WDPCP: variants seen among roughly 807,000 people sequenced by gnomAD.
WDPCP encodes WD repeat containing planar cell polarity effector.
In WDPCP, 71 loss-of-function variants were observed where a neutral mutation model predicts 93.1. That is an observed-to-expected ratio of 0.76 (90% CI 0.63 to 0.93). The LOEUF (loss-of-function observed/expected upper bound fraction) is 0.93, where lower values mean the gene tolerates loss of function less well. Ranked by LOEUF, WDPCP falls within the 40% of genes least tolerant of loss-of-function variation. The probability of loss-of-function intolerance (pLI) is 0.00; values close to 1 mark genes in which losing one functional copy is unlikely to be tolerated. For missense variants in WDPCP, 844 were observed against 887.4 expected (o/e 0.95, Z 0.62); for synonymous variants, 315 against 315.0 (o/e 1.00, Z 0.00).
At chr2:63,239,142 T>A (rs1481533865) in intron 14 of WDPCP, among the ~76,000 whole-genome samples, 1 of 152,186 alleles carries the variant, frequency 6.6e-6, no homozygotes, top group African/African-American at 2.4e-5. Context: ...CTGAAATAGA[T>A]CAGCTTTAAA....
chr2:63,282,945 A>C (rs1189301694), intron 13 of WDPCP, among the ~76,000 whole-genome samples: 1 of 152,144 alleles, frequency 6.6e-6, no homozygotes, highest in Non-Finnish European at 1.5e-5. Flanking sequence ...CCTACACATT[A>C]TTTCTTTAAT....
chr2:63,221,576 C>T (rs1677835505), intron 14 of WDPCP, among the ~76,000 whole-genome samples: 1 of 152,182 alleles, frequency 6.6e-6, no homozygotes. Context: ...GATGTAGCAA[C>T]TTCTTGGACG....
upstream of WDPCP, among the ~76,000 whole-genome samples, chr2:63,831,959 G>A (rs186153531): frequency 3.3e-5 from 5 of 152,154 alleles, no homozygotes; most frequent in Non-Finnish European, 7.4e-5. Flanking sequence ...AGCAGTTCTG[G>A]GACTAAGCAA....
At chr2:63,610,788 T>G (rs1426384741) in intron 3 of WDPCP, among the ~76,000 whole-genome samples, 1 of 152,164 alleles carries the variant, frequency 6.6e-6, no homozygotes, top group African/African-American at 2.4e-5. Context: ...TAGTAATACA[T>G]CTTAAAGCTA....
At chr2:63,310,596 C>A (rs1162457630) in intron 13 of WDPCP, among the ~76,000 whole-genome samples, 1 of 152,074 alleles carries the variant, frequency 6.6e-6, no homozygotes, top group Admixed American at 6.6e-5. Context: ...TGGAACACAG[C>A]CAAACTTATT....
At chr2:63,531,097 A>G (rs1343704581) in intron 1 of WDPCP, among the ~76,000 whole-genome samples, 1 of 152,252 alleles carries the variant, frequency 6.6e-6, no homozygotes, top group Non-Finnish European at 1.5e-5. Context: ...CTGCTAGCAC[A>G]GCAGTCCAAG....
chr2:63,378,494 C>T lies in WDPCP; in HGVS notation c.1640G>A (p.Ser547Asn), dbSNP rs764719249. Residue 547 changes from serine to asparagine, a missense_variant, in exon 12 of 18, where the codon AGC (serine) becomes AAC (asparagine). Coordinates refer to ENST00000272321, the MANE Select transcript of WDPCP (RefSeq NM_015910.7). ...TPEREAQLET[S>N]LGTFYAPTRP... The stretch of plus-strand genomic sequence containing the variant: ...TGTTGGAGCATAGAAGGTTCCAAGG[C>T]TTGTCTCAAGCTGTGCTGTGGAATT... 1 of 1,613,160 alleles carries T rather than the reference C, an allele frequency of 6.2e-7. No homozygotes were observed. Among genetic ancestry groups the T allele is most frequent in the Middle Eastern group, 1.7e-4 (1 of 6,052 alleles).
intron 3 of WDPCP, chr2:63,595,456 A>G: frequency 6.2e-7 from 1 of 1,613,258 alleles, no homozygotes; most frequent in Non-Finnish European, 8.5e-7. Flanking sequence ...TATCACCCCC[A>G]TGATGGGTGT....
At chr2:63,574,269 C>T (rs550117885) in intron 1 of WDPCP, among the ~76,000 whole-genome samples, 3 of 152,252 alleles carry the variant, frequency 2.0e-5, no homozygotes, top group Admixed American at 6.5e-5. Context: ...ATGTCTCCCC[C>T]GGACACCCAG....
At chr2:63,606,376 A>C (rs534255179) in intron 3 of WDPCP, among the ~76,000 whole-genome samples, 2 of 152,302 alleles carry the variant, frequency 1.3e-5, no homozygotes, top group Admixed American at 6.5e-5. Flanking sequence ...CCTGTCCCCC[A>C]AAAAAGAAAA....
intron 3 of WDPCP, among the ~76,000 whole-genome samples, chr2:63,626,274 A>G (rs1709809450): frequency 6.6e-6 from 1 of 152,252 alleles, no homozygotes; most frequent in Non-Finnish European, 1.5e-5. Flanking sequence ...GGACATAGGC[A>G]TGGGCAAAGA....
chr2:63,821,854 A>G (rs1379016444), intron 1 of WDPCP, among the ~76,000 whole-genome samples: 1 of 152,160 alleles, frequency 6.6e-6, no homozygotes, highest in Non-Finnish European at 1.5e-5. Context: ...AAATACACAC[A>G]CAAACGCACA....
At chr2:63,148,339 GT>G (rs1242762206) in intron 17 of WDPCP, among the ~76,000 whole-genome samples, 2 of 151,974 alleles carry the variant, frequency 1.3e-5, no homozygotes, top group African/African-American at 2.4e-5. Flanking sequence ...GAAAAAAAAA[GT>G]TTTTCATTTT....
At chr2:63,501,505 G>T (rs751036550) in intron 1 of WDPCP, among the ~76,000 whole-genome samples, 84 of 152,296 alleles carry the variant, frequency 5.5e-4, no homozygotes, top group Non-Finnish European at 9.4e-4. Context: ...GTTGGAGAGT[G>T]CAATGAGCTA....
At chr2:63,652,288 T>A (rs1358480775) in intron 2 of WDPCP, among the ~76,000 whole-genome samples, 1 of 152,226 alleles carries the variant, frequency 6.6e-6, no homozygotes, top group Non-Finnish European at 1.5e-5. Context: ...TTCCAGCAAC[T>A]TGGTTGGCAC....
rs1705984773 is a variant in WDPCP at position 63,555,056 on chromosome 2, C to T, written c.75+33141G>A. ...CGCACAGAGATGTGCAGATTCTTTACAGCCACTTGGCTGGAGACTGCCTAA... is the reference window on the plus strand; with the variant it reads ...CGCACAGAGATGTGCAGATTCTTTATAGCCACTTGGCTGGAGACTGCCTAA... On this transcript the variant is annotated intron_variant, in intron 1 of 17. Coordinates refer to ENST00000272321, the MANE Select transcript of WDPCP (RefSeq NM_015910.7). 2.0e-5 allele frequency among the ~76,000 whole-genome samples: 3 copies of T among 152,260 alleles called. No individual in the cohort carries two copies. The South Asian group carries it at 6.2e-4, about 31-fold the overall frequency.
chr2:63,166,653 T>C (rs943167681), intron 15 of WDPCP, among the ~76,000 whole-genome samples: 20 of 145,480 alleles, frequency 1.4e-4, no homozygotes, highest in African/African-American at 5.1e-4. Context: ...TCAGCCTCCC[T>C]AAATGTTGGG....
At chr2:63,535,310 C>A (rs1575600542) in intron 1 of WDPCP, among the ~76,000 whole-genome samples, 1 of 152,236 alleles carries the variant, frequency 6.6e-6, no homozygotes, top group Non-Finnish European at 1.5e-5. Flanking sequence ...AGATTCAATG[C>A]CATCCCCATC....
In WDPCP at chr2:63,691,458, A is replaced by C. The variant is rs1300618516; in HGVS notation, n.309-40620T>G. Among the ~76,000 whole-genome samples the C allele has an allele frequency of 2.0e-5, 3 of 152,202 alleles. No individual in the cohort carries two copies. The East Asian group carries it at 5.8e-4, about 29-fold the overall frequency. On this transcript the variant is annotated intron_variant and non_coding_transcript_variant, in intron 2 of 4. Transcript: ENST00000467687. ...GAGACCAGCCTGGCCAACACGTTGA[A>C]ACCCCACCTCCACTAAAAACACAAA...
Sources: allele counts gnomAD v4.1 joint callset (sites outside exome capture counted in the v4.1 genomes callset), GRCh38; gene constraint gnomAD v4.1.1; transcripts MANE v1.5; gene names NCBI Gene and HGNC (gene_info 2026-07-23, HGNC 2026-07-21).